TRIO: variants seen among roughly 807,000 people sequenced by gnomAD.
The protein encoded by TRIO is trio Rho guanine nucleotide exchange factor.
TRIO carries 58 observed loss-of-function variants against 351.9 expected under a neutral mutation model. The ratio of observed to expected loss-of-function variants is 0.16; its 90% CI spans 0.13 to 0.21. The LOEUF (loss-of-function observed/expected upper bound fraction) is 0.21, where lower values mean the gene tolerates loss of function less well. TRIO is among the 10% of genes least tolerant of loss of function. The probability of loss-of-function intolerance (pLI) is 1.00; values close to 1 mark genes in which losing one functional copy is unlikely to be tolerated. For missense variants in TRIO, 3,201 were observed against 4,027.8 expected (o/e 0.79, Z 5.56); for synonymous variants, 1,758 against 1,595.7 (o/e 1.10, Z -2.42).
At chr5:14,226,276 C>T (rs745374420) in intron 1 of TRIO, among the ~76,000 whole-genome samples, 1 of 151,506 alleles carries the variant, frequency 6.6e-6, no homozygotes, top group Non-Finnish European at 1.5e-5. Context: ...TGATTGGTGT[C>T]ACCAGGTTAG....
At chr5:14,229,741 A>G (rs1793288070) in intron 1 of TRIO, among the ~76,000 whole-genome samples, 1 of 152,214 alleles carries the variant, frequency 6.6e-6, no homozygotes, top group African/African-American at 2.4e-5. Context: ...TGTGATTAAC[A>G]CATGCTGAAA....
At chr5:14,318,279 C>CAAAAAAAAAAAA (rs759632595) in intron 9 of TRIO, among the ~76,000 whole-genome samples, 2 of 46,478 alleles carry the variant, frequency 4.3e-5, no homozygotes, top group African/African-American at 1.6e-4. Flanking sequence ...GACTCTATCT[C>CAAAAAAAAAAAA]AAAAAAAAAA....
intron 21 of TRIO, among the ~76,000 whole-genome samples, chr5:14,383,609 TC>T (rs1746299572): frequency 6.6e-6 from 1 of 152,244 alleles, no homozygotes; most frequent in Admixed American, 6.5e-5. Context: ...ACCTTTCTGA[TC>T]CTCAGATATG....
chr5:14,488,245 C>T lies in TRIO; in HGVS notation c.7617C>T (p.Ser2539=). The T allele has an allele frequency of 2.5e-6, 4 of 1,577,988 alleles. No homozygotes were observed. The highest frequency in any genetic ancestry group is 3.4e-6 in the Non-Finnish European group (4 of 1,169,546). The change falls in exon 48 of 57, where the codon TCC becomes TCT. Residue 2539 remains serine, a synonymous_variant. Coordinates refer to ENST00000344204, the MANE Select transcript of TRIO (RefSeq NM_007118.4). ...CSSASEQSVQ[S]TQSNGSESSS... Reference sequence around the variant, plus strand: ...CGGCCAGCGAGCAGTCCGTGCAGTCCACCCAGAGCAACGGGGTAAGCGCGT... The same window carrying T: ...CGGCCAGCGAGCAGTCCGTGCAGTCTACCCAGAGCAACGGGGTAAGCGCGT...
intron 9 of TRIO, among the ~76,000 whole-genome samples, chr5:14,317,370 A>G (rs1235312943): frequency 6.6e-6 from 1 of 152,224 alleles, no homozygotes; most frequent in Non-Finnish European, 1.5e-5. Context: ...AAATAAGATG[A>G]TAGCCATGTC....
At chr5:14,463,209 T>C (rs1753963373) in intron 36 of TRIO, among the ~76,000 whole-genome samples, 1 of 152,230 alleles carries the variant, frequency 6.6e-6, no homozygotes, top group African/African-American at 2.4e-5. Context: ...AAAGTAATTT[T>C]AAAGTTTCCT....
chr5:14,183,891 C>T (rs913883473), intron 1 of TRIO: 25 of 691,220 alleles, frequency 3.6e-5, no homozygotes, highest in South Asian at 1.5e-4. Context: ...TGTTTTACTT[C>T]GATTTTATTT....
chr5:14,396,981 C>G, intron 28 of TRIO, 62 bp from the exon 29 acceptor site: 1 of 1,431,990 alleles, frequency 7.0e-7, no homozygotes, highest in Non-Finnish European at 9.6e-7. Flanking sequence ...CTGTTTCTGC[C>G]AAGGTCTTAT....
chr5:14,434,043 C>G lies in TRIO; in HGVS notation c.5203+14022C>G, dbSNP rs3789172. Among the ~76,000 whole-genome samples, 21 of 152,204 alleles carry G rather than the reference C, an allele frequency of 1.4e-4. No homozygotes were observed. In the East Asian group the frequency reaches 4.0e-3, roughly 29 times the overall value. The stretch of plus-strand genomic sequence containing the variant: ...TTTAGACTCCTTTTGGCAGAAATTA[C>G]TTGTCTCATTTTTTATGGGCAGATT... On this transcript the variant is annotated intron_variant, in intron 34 of 56. Coordinates refer to ENST00000344204, the MANE Select transcript of TRIO (RefSeq NM_007118.4).
chr5:14,402,832 G>C (rs1748202948), intron 31 of TRIO, among the ~76,000 whole-genome samples: 1 of 151,824 alleles, frequency 6.6e-6, no homozygotes, highest in African/African-American at 2.4e-5. Flanking sequence ...GGCAGTGGTA[G>C]TACAGGCGGT....
chr5:14,273,135 AC>A (rs760095055), intron 2 of TRIO, among the ~76,000 whole-genome samples: 2 of 152,044 alleles, frequency 1.3e-5, no homozygotes, highest in African/African-American at 2.4e-5. Flanking sequence ...TTCTGCTCTG[AC>A]CCCATTTTAA....
chr5:14,285,840 G>T (rs763688979), intron 3 of TRIO, among the ~76,000 whole-genome samples: 1 of 152,144 alleles, frequency 6.6e-6, no homozygotes, highest in Non-Finnish European at 1.5e-5. Context: ...TTACTGTCTG[G>T]TGCAGGCATC....
intron 34 of TRIO, among the ~76,000 whole-genome samples, chr5:14,426,267 C>T (rs1427701638): frequency 1.3e-5 from 2 of 152,320 alleles, no homozygotes; most frequent in East Asian, 1.9e-4. Flanking sequence ...TATACACCTT[C>T]TCTTGGAGCT....
rs772463265 is a variant in TRIO, at chr5:14,398,894, A to G, written c.4438A>G (p.Ile1480Val). Residue 1480 changes from isoleucine (I) to valine (V), a missense_variant, in exon 30 of 57, where the codon ATT (isoleucine) becomes GTT (valine). This residue lies in a region of TRIO where 115 missense variants were observed against 239.6 expected (regional missense o/e 0.48). Coordinates refer to ENST00000344204, the MANE Select transcript of TRIO (RefSeq NM_007118.4). ...TCATGTTGTAGGGTTTGATGAAAAC[A>G]TTGAGTCTCAGGGAGAACTCATCCT... ...LSMLEGFDEN[I>V]ESQGELILQE... 2 of 1,613,158 alleles carry G rather than the reference A, an allele frequency of 1.2e-6. No individual in the cohort carries two copies. Among genetic ancestry groups the G allele is most frequent in the Non-Finnish European group, 1.7e-6 (2 of 1,179,714 alleles).
rs534951540 is a variant in TRIO, at chr5:14,268,697, C to A, written c.158-2128C>A. On this transcript the variant is annotated intron_variant, in intron 1 of 56. Coordinates refer to ENST00000344204, the MANE Select transcript of TRIO (RefSeq NM_007118.4). ...TGTCTATCATGTGATCTGTCCCCTC[C>A]TCATTTGCCTGGGTCCCATAGCACT... is the stretch of plus-strand genomic sequence containing the variant. Among the ~76,000 whole-genome samples, 3 of 152,372 alleles carry A rather than the reference C, an allele frequency of 2.0e-5. No homozygotes were observed. In the South Asian group the frequency reaches 6.2e-4, roughly 32 times the overall value.
In TRIO at chr5:14,396,530, C is replaced by T. The variant is rs1401191576; in HGVS notation, c.4312-513C>T. On this transcript the variant is annotated intron_variant, in intron 28 of 56. Coordinates refer to ENST00000344204, the MANE Select transcript of TRIO (RefSeq NM_007118.4). The stretch of plus-strand genomic sequence containing the variant: ...TGTCCCCCAGGCTGGAGTGCAGTGG[C>T]ACAATCTTGGCTCACTGCAGCCTCC... Among the ~76,000 whole-genome samples, 4 of 127,474 alleles carry T rather than the reference C, an allele frequency of 3.1e-5. No individual in the cohort carries two copies. The East Asian group carries it at 7.9e-4, about 25-fold the overall frequency. 83.6% of individuals were successfully genotyped at this position (127,474 alleles called of 152,430 possible). A position where few individuals can be genotyped will look rare whatever the true frequency, so the allele number is the denominator to read the frequency against.
intron 34 of TRIO, among the ~76,000 whole-genome samples, chr5:14,450,620 G>T (rs906007043): frequency 1.3e-5 from 2 of 152,192 alleles, no homozygotes; most frequent in Non-Finnish European, 2.9e-5. Flanking sequence ...CAAAGACAGA[G>T]TTCATATTTT....
At chr5:14,163,812 A>T (rs948456414) in intron 1 of TRIO, among the ~76,000 whole-genome samples, 12 of 152,372 alleles carry the variant, frequency 7.9e-5, no homozygotes, top group African/African-American at 2.6e-4. Context: ...ATATATTAAC[A>T]CAACTATTTC....
intron 1 of TRIO, among the ~76,000 whole-genome samples, chr5:14,258,211 A>C (rs1561260638): frequency 1.3e-5 from 2 of 152,200 alleles, no homozygotes; most frequent in Non-Finnish European, 2.9e-5. Flanking sequence ...CGTGCTCCTG[A>C]ATCCTCTCCA....
Sources: allele counts gnomAD v4.1 joint callset (sites outside exome capture counted in the v4.1 genomes callset), GRCh38; gene constraint gnomAD v4.1.1; regional missense constraint gnomAD v4.1.1; transcripts MANE v1.5; gene names NCBI Gene and HGNC (gene_info 2026-07-23, HGNC 2026-07-21).